Variants in MUC5AC observed in about 807,000 individuals in gnomAD.
MUC5AC encodes mucin-5AC.
A neutral mutation model predicts 169.7 loss-of-function variants in MUC5AC; 158 were observed. The observed-to-expected ratio is 0.93, with a 90% CI of 0.82 to 1.06. The LOEUF is 1.06. Among genes scored for constraint, MUC5AC ranks in the 50% least tolerant of loss-of-function variants. The probability of loss-of-function intolerance (pLI) is 0.00; values close to 1 mark genes in which losing one functional copy is unlikely to be tolerated. For synonymous variants in MUC5AC, 1,975 were observed against 1,237.0 expected (o/e 1.60, Z -12.52); for missense variants, 4,359 against 3,089.9 (o/e 1.41, Z -9.74).
Position 1,190,354 on chromosome 11 carries a change from C to A in MUC5AC, c.12209C>A (p.Pro4070His). ...ACACCTGTGACAGCTCCTAGCACCC[C>A]TAGTGGGAGAGCCACCAGCCCAACT... ...TSTPVTAPST[P>H]SGRATSPTQS... is the part of the protein sequence containing the mutation. The change falls in exon 31 of 49, where the codon CCT becomes CAT. Residue 4070 changes from proline to histidine, a missense_variant. By Grantham distance (77) the Pro-to-His change is moderately conservative (BLOSUM62 -2). Coordinates refer to ENST00000621226, the MANE Select transcript of MUC5AC (RefSeq NM_001304359.2). 1 of 656,488 alleles carries A rather than the reference C, an allele frequency of 1.5e-6. No individual in the cohort carries two copies. The allele number at this position is 656,488 out of a possible 1,614,324, so 40.7% of individuals were successfully genotyped here.
chr11:1,196,625 C>A lies in MUC5AC; in HGVS notation c.15734C>A (p.Pro5245Gln), dbSNP rs1048987730. 1.3e-6 allele frequency: 1 copy of A among 761,740 alleles called. No homozygotes were observed. The highest frequency in any genetic ancestry group is 2.4e-5 in the East Asian group (1 of 41,012). 47.2% of individuals were successfully genotyped at this position (761,740 alleles called of 1,614,324 possible). A position where few individuals can be genotyped will look rare whatever the true frequency, so the allele number is the denominator to read the frequency against. Residue 5245 changes from proline (P) to glutamine (Q), a missense_variant, in exon 39 of 49, where the codon CCG becomes CAG. By Grantham distance (76) the Pro-to-Gln change is moderately conservative (BLOSUM62 -1). Coordinates refer to ENST00000621226, the MANE Select transcript of MUC5AC (RefSeq NM_001304359.2). ...CCCTATGCTCTCTACAGGGCTCTGC[C>A]GGAGGCCGGCCCCATCACCGAAGGC... ...GNDSASLGAL[P>Q]EAGPITEGCF...
chr11:1,163,688 A>T (rs1860213687), intron 6 of MUC5AC, among the ~76,000 whole-genome samples, 194 bp from the exon 7 acceptor site: 1 of 152,040 alleles, frequency 6.6e-6, no homozygotes, highest in Non-Finnish European at 1.5e-5. Context: ...AGACCCCCTG[A>T]GGGTCCCAGC....
At chr11:1,193,282 A>G (rs1861170666) in intron 32 of MUC5AC, among the ~76,000 whole-genome samples, 1 of 143,118 alleles carries the variant, frequency 7.0e-6, no homozygotes, top group Non-Finnish European at 1.5e-5. Flanking sequence ...AGAGCCAGGG[A>G]GGAGCCACTC....
rs957799841 is a variant in MUC5AC, at chr11:1,200,618, C to T, written c.16881C>T (p.His5627=). 3.9e-6 allele frequency: 3 copies of T among 764,282 alleles called. No homozygotes were observed. Among genetic ancestry groups the T allele is most frequent in the Admixed American group, 3.4e-5 (2 of 58,994 alleles). The allele number at this position is 764,282 out of a possible 1,614,324, so 47.3% of individuals were successfully genotyped here. ...GCCCTGCGCCGGGCGACACCCAGCACTCGGAGGAGGCGGAACCCGAGCCCA... is the reference window on the plus strand; with the variant it reads ...GCCCTGCGCCGGGCGACACCCAGCATTCGGAGGAGGCGGAACCCGAGCCCA... ...RRCPAPGDTQ[H]SEEAEPEPSQ... Residue 5627 remains histidine, a synonymous_variant, in exon 49 of 49, where the codon CAC becomes CAT. Transcript: ENST00000621226.
Position 1,172,532 on chromosome 11 carries a change from T to C in MUC5AC, c.1965+9T>C. On this transcript the variant is annotated intron_variant, in intron 16 of 48. Coordinates refer to ENST00000621226, the MANE Select transcript of MUC5AC (RefSeq NM_001304359.2). ...CGGGAACCTACTACTCGGTAACATC[T>C]GCCGCCTCTTGGCCCGGTGGGGCTC... The C allele has an allele frequency of 2.5e-6, 1 of 398,670 alleles. No homozygotes were observed. 24.7% of individuals were successfully genotyped at this position (398,670 alleles called of 1,614,324 possible). A position where few individuals can be genotyped will look rare whatever the true frequency, so the allele number is the denominator to read the frequency against.
chr11:1,186,708 GCCC>G lies in MUC5AC; in HGVS notation c.8565_8567del (p.Pro2856del). 1.4e-6 allele frequency: 1 copy of G among 732,914 alleles called. No homozygotes were observed. The highest frequency in any genetic ancestry group is 2.5e-6 in the Non-Finnish European group (1 of 401,966). 45.4% of individuals were successfully genotyped at this position (732,914 alleles called of 1,614,324 possible). ...TGCCCCTACAACCAGCACAACCTCT[GCCC>G]CTACAACCAGAACAACCTCTGTCCC... On this transcript the variant is annotated inframe_deletion, in exon 31 of 49. Coordinates refer to ENST00000621226, the MANE Select transcript of MUC5AC (RefSeq NM_001304359.2).
intron 42 of MUC5AC, 69 bp from the exon 43 acceptor site, chr11:1,198,199 G>C: frequency 1.4e-6 from 1 of 714,562 alleles, no homozygotes; most frequent in South Asian, 1.5e-5. Flanking sequence ...AGGCTGCAGG[G>C]GCGGGAATGC....
At position 1,182,457 on chromosome 11, in the gene MUC5AC, C is replaced by T; in HGVS notation, c.4312C>T (p.Pro1438Ser). ...ECRAEDAPGV[P>S]LRALGQRVQC... is the part of the protein sequence containing the mutation. ...CCGAGCTGAGGACGCCCCCGGAGTG[C>T]CGCTCCGAGCCCTGGGGCAGCGTGT... The change falls in exon 31 of 49, where the codon CCG becomes TCG. Residue 1438 changes from proline (P) to serine (S), a missense_variant. Physicochemically the swap from Pro to Ser is moderately conservative, Grantham distance 74. Coordinates refer to ENST00000621226, the MANE Select transcript of MUC5AC (RefSeq NM_001304359.2). 2 of 398,690 alleles carry T rather than the reference C, an allele frequency of 5.0e-6. No homozygotes were observed. Among genetic ancestry groups the T allele is most frequent in the Non-Finnish European group, 8.8e-6 (2 of 226,110 alleles). 24.7% of individuals were successfully genotyped at this position (398,690 alleles called of 1,614,324 possible).
intron 9 of MUC5AC, 69 bp downstream of exon 9, chr11:1,164,601 A>C: frequency 6.6e-7 from 1 of 1,512,084 alleles, no homozygotes; most frequent in Non-Finnish European, 8.8e-7. Flanking sequence ...TCCCATGGCC[A>C]AGCCTCGGAA....
intron 12 of MUC5AC, 27 bp downstream of exon 12, chr11:1,168,014 C>T: frequency 6.5e-7 from 1 of 1,534,366 alleles, no homozygotes. Flanking sequence ...AGGGCAAACC[C>T]CGGGAAGAGG....
intron 1 of MUC5AC, 101 bp downstream of exon 1, chr11:1,158,173 T>G (rs1318927643): frequency 5.4e-6 from 6 of 1,113,294 alleles, no homozygotes; most frequent in Non-Finnish European, 7.7e-6. Flanking sequence ...GCAGGCTGCA[T>G]GTGCCATGAA....
Position 1,189,724 on chromosome 11 carries a change from C to T in MUC5AC, c.11579C>T (p.Thr3860Ile), listed in dbSNP as rs1163120425. 1 of 644,446 alleles carries T rather than the reference C, an allele frequency of 1.6e-6. No individual in the cohort carries two copies. Among genetic ancestry groups the T allele is most frequent in the Non-Finnish European group, 2.8e-6 (1 of 354,790 alleles). 39.9% of individuals were successfully genotyped at this position (644,446 alleles called of 1,614,324 possible). ...TPQTSISSAP[T>I]SSTTSAPTAS... ...CAGACCAGCATATCCTCTGCCCCTACAAGCAGCACAACCTCTGCTCCTACA... is the reference window on the plus strand; with the variant it reads ...CAGACCAGCATATCCTCTGCCCCTATAAGCAGCACAACCTCTGCTCCTACA... Residue 3860 changes from threonine (T) to isoleucine (I), a missense_variant, in exon 31 of 49, where the codon ACA becomes ATA. Thr to Ile is a moderately conservative substitution (Grantham distance 89, BLOSUM62 -1). Transcript: ENST00000621226.
In MUC5AC at chr11:1,164,263, G is replaced by A. The variant is rs779426236; in HGVS notation, c.947G>A (p.Arg316Gln). 8.1e-6 allele frequency: 13 copies of A among 1,612,476 alleles called. No individual in the cohort carries two copies. Among genetic ancestry groups the A allele is most frequent in the South Asian group, 1.1e-5 (1 of 91,092 alleles). ...CVCHTLAEYS[R>Q]QCTHAGGLPQ... ...TGCCACACCCTTGCCGAGTACTCCC[G>A]GCAGTGCACCCATGCAGGGGGGTTG... Residue 316 changes from arginine to glutamine, a missense_variant, in exon 8 of 49, where the codon CGG becomes CAG. Transcript: ENST00000621226.
At position 1,174,493 on chromosome 11, in the gene MUC5AC, C is replaced by A. The variant is rs1370032716; in HGVS notation, c.1966-3C>A. 13 of 1,539,316 alleles carry A rather than the reference C, an allele frequency of 8.4e-6. No individual in the cohort carries two copies. Among genetic ancestry groups the A allele is most frequent in the Non-Finnish European group, 1.1e-5 (13 of 1,142,140 alleles). On this transcript the variant is annotated splice_region_variant and splice_polypyrimidine_tract_variant and intron_variant, in intron 16 of 48. Transcript: ENST00000621226. ...GATGCCCCGATGACCCCCTTCCCTG[C>A]AGAACTGCATGTTTGACACCTGCAA... is the stretch of plus-strand genomic sequence containing the variant.
At position 1,183,968 on chromosome 11, in the gene MUC5AC, C is replaced by G; in HGVS notation, c.5823C>G (p.Thr1941=). 1 of 395,344 alleles carries G rather than the reference C, an allele frequency of 2.5e-6. No homozygotes were observed. Among genetic ancestry groups the G allele is most frequent in the African/African-American group, 2.2e-5 (1 of 44,646 alleles). 24.5% of individuals were successfully genotyped at this position (395,344 alleles called of 1,614,324 possible). A position where few individuals can be genotyped will look rare whatever the true frequency, so the allele number is the denominator to read the frequency against. ...CCTCTGTGGTCTCCAGCAAGCCCAC[C>G]CCCACGGAGCCCAGCACATCCTCCT... ...PGTSVVSSKP[T]PTEPSTSSCL... The change falls in exon 31 of 49, where the codon ACC becomes ACG. Residue 1941 remains threonine (T), a synonymous_variant. Transcript: ENST00000621226.
At position 1,197,573 on chromosome 11, in the gene MUC5AC, C is replaced by G; in HGVS notation, c.15967C>G (p.Leu5323Val). 2 of 719,326 alleles carry G rather than the reference C, an allele frequency of 2.8e-6. No homozygotes were observed. Among genetic ancestry groups the G allele is most frequent in the Non-Finnish European group, 5.1e-6 (2 of 395,602 alleles). 44.6% of individuals were successfully genotyped at this position (719,326 alleles called of 1,614,324 possible). The change falls in exon 41 of 49, where the codon CTG becomes GTG. Residue 5323 changes from leucine to valine, a missense_variant. Physicochemically the swap from Leu to Val is conservative, Grantham distance 32 (BLOSUM62 1). Transcript: ENST00000621226. ...CTGCCCGCTGCCCCCTGCCTGCCCC[C>G]TGCCCGGCTTCGTGCCTGTGCCTGC... Reference protein sequence around the residue: ...KLCPLPPACPLPGFVPVPAAP... With the variant: ...KLCPLPPACPVPGFVPVPAAP...
chr11:1,200,404 G>A (rs993384017), intron 48 of MUC5AC, 34 bp from the exon 49 acceptor site: 18 of 650,606 alleles, frequency 2.8e-5, no homozygotes, highest in African/African-American at 1.6e-4. Context: ...CTGGGGTGGC[G>A]CAGCAGCTGG....
rs1340784531 is a variant in MUC5AC at position 1,188,270 on chromosome 11, C to G, written c.10125C>G (p.Thr3375=). Residue 3375 remains threonine (T), a synonymous_variant, in exon 31 of 49, where the codon ACC becomes ACG. Coordinates refer to ENST00000621226, the MANE Select transcript of MUC5AC (RefSeq NM_001304359.2). The part of the protein sequence containing the change: ...STTSTPQTST[T]SAPTTSTTSA... The stretch of plus-strand genomic sequence containing the variant: ...CCTCCACTCCACAGACCAGCACAAC[C>G]TCTGCTCCTACAACCAGCACAACCT... 2.9e-6 allele frequency: 2 copies of G among 697,968 alleles called. No homozygotes were observed. Among genetic ancestry groups the G allele is most frequent in the African/African-American group, 1.9e-5 (1 of 52,568 alleles). The allele number at this position is 697,968 out of a possible 1,614,324, so 43.2% of individuals were successfully genotyped here.
rs575420003 is a variant in MUC5AC at position 1,164,333 on chromosome 11, C to T, written c.1003+14C>T. ...CTGACTTCTGCCGTGAGTGTCCCAG[C>T]CCCCTGTCCCCCAACCCCTTTGGCA... On this transcript the variant is annotated intron_variant, in intron 8 of 48. Transcript: ENST00000621226. 31 of 1,611,608 alleles carry T rather than the reference C, an allele frequency of 1.9e-5. No homozygotes were observed. Among genetic ancestry groups the T allele is most frequent in the East Asian group, 2.2e-5 (1 of 44,882 alleles).
Sources: allele counts gnomAD v4.1 joint callset (sites outside exome capture counted in the v4.1 genomes callset), GRCh38; gene constraint gnomAD v4.1.1; transcripts MANE v1.5; gene names NCBI Gene and HGNC (gene_info 2026-07-23, HGNC 2026-07-21).